ACTR3C: variants seen among roughly 807,000 people sequenced by gnomAD.
The protein encoded by ACTR3C is actin-related protein 3C.
In ACTR3C, 18 loss-of-function variants were observed where a neutral mutation model predicts 26.3. The ratio of observed to expected loss-of-function variants is 0.68; its 90% CI spans 0.47 to 1.01. ACTR3C has a LOEUF of 1.01. ACTR3C is among the 50% of genes least tolerant of loss of function. The probability of loss-of-function intolerance (pLI) is 0.00; values close to 1 mark genes in which losing one functional copy is unlikely to be tolerated. For synonymous variants in ACTR3C, 55 were observed against 94.5 expected (o/e 0.58, Z 2.42); for missense variants, 184 against 250.7 (o/e 0.73, Z 1.80).
At chr7:150,253,907 C>T (rs552589610) in intron 6 of ACTR3C, among the ~76,000 whole-genome samples, 22 of 143,364 alleles carry the variant, frequency 1.5e-4, no homozygotes, top group Non-Finnish European at 2.5e-4. Context: ...AGTTTTTTTT[C>T]GTGTTTTTTT....
At chr7:149,972,879 G>A in the ACTR3C span, among the ~76,000 whole-genome samples, 1 of 151,904 alleles carries the variant, frequency 6.6e-6, no homozygotes, top group African/African-American at 2.4e-5. Context: ...TCCCAGGTAA[G>A]CCCCGTGCGT....
At chr7:150,178,405 T>C in the ACTR3C span, among the ~76,000 whole-genome samples, 23 of 149,808 alleles carry the variant, frequency 1.5e-4, 2 homozygotes, top group African/African-American at 5.8e-4. Context: ...GCCTCAACCT[T>C]CCGACTAGCT....
the ACTR3C span, among the ~76,000 whole-genome samples, chr7:150,198,452 C>A: frequency 3.5e-5 from 5 of 141,108 alleles, no homozygotes; most frequent in Admixed American, 2.1e-4. Flanking sequence ...CGTCTCTGCC[C>A]GGCCGCCCAT....
At chr7:150,208,214 A>G in the ACTR3C span, among the ~76,000 whole-genome samples, 1 of 152,140 alleles carries the variant, frequency 6.6e-6, no homozygotes, top group Non-Finnish European at 1.5e-5. Context: ...ACTCTGAGCT[A>G]AACAGATGGA....
chr7:150,258,179 T>TCC (rs1833360577), intron 6 of ACTR3C, among the ~76,000 whole-genome samples: 1 of 149,994 alleles, frequency 6.7e-6, no homozygotes, highest in Admixed American at 6.6e-5. Context: ...AAGTCCAAGT[T>TCC]CCTGCTCAGT....
chr7:149,930,869 C>A, the ACTR3C span, among the ~76,000 whole-genome samples: 1 of 151,460 alleles, frequency 6.6e-6, no homozygotes, highest in African/African-American at 2.4e-5. Flanking sequence ...GCAACCTCTG[C>A]CTTTTTATTT....
chr7:150,122,565 G>A, the ACTR3C span, among the ~76,000 whole-genome samples: 33 of 152,254 alleles, frequency 2.2e-4, no homozygotes, highest in South Asian at 2.5e-3. Context: ...TTAGAATGGC[G>A]ATCATTAAAA....
At chr7:150,136,234 G>A in the ACTR3C span, among the ~76,000 whole-genome samples, 66 of 150,834 alleles carry the variant, frequency 4.4e-4, no homozygotes, top group African/African-American at 1.6e-3. Flanking sequence ...GATGGCCGGT[G>A]CTGCTAGGAG....
intron 4 of ACTR3C, among the ~76,000 whole-genome samples, chr7:150,288,452 A>G (rs1170424241): frequency 2.2e-5 from 3 of 133,998 alleles, no homozygotes; most frequent in Non-Finnish European, 4.6e-5. Context: ...ATCTCGCTAT[A>G]TCACCTGGGC....
At chr7:150,268,170 A>G (rs187400045) in intron 6 of ACTR3C, among the ~76,000 whole-genome samples, 41 of 150,450 alleles carry the variant, frequency 2.7e-4, no homozygotes, top group African/African-American at 9.5e-4. Flanking sequence ...TTCATTTCTC[A>G]ATGTTCTGTA....
the ACTR3C span, among the ~76,000 whole-genome samples, chr7:150,065,226 G>A: frequency 6.6e-6 from 1 of 152,106 alleles, no homozygotes; most frequent in Non-Finnish European, 1.5e-5. Flanking sequence ...TAAATCAGTA[G>A]CATAAGGGAG....
At chr7:150,310,069 T>C (rs1034351586) in intron 1 of ACTR3C, among the ~76,000 whole-genome samples, 15 of 152,168 alleles carry the variant, frequency 9.9e-5, no homozygotes, top group Non-Finnish European at 5.9e-5. Context: ...CATGCTTTTA[T>C]GCACTTTTTT....
the ACTR3C span, among the ~76,000 whole-genome samples, chr7:150,037,729 A>T: frequency 4.7e-3 from 416 of 88,070 alleles, 11 homozygotes; most frequent in South Asian, 0.015. Flanking sequence ...CCAGGGGGGA[A>T]GAGGGTCTGG....
the ACTR3C span, among the ~76,000 whole-genome samples, chr7:150,085,391 AG>A: frequency 6.6e-6 from 1 of 152,152 alleles, no homozygotes; most frequent in African/African-American, 2.4e-5. Flanking sequence ...AAATGGAAAA[AG>A]GAGTGGATAG....
At chr7:149,994,851 T>G in the ACTR3C span, among the ~76,000 whole-genome samples, 2 of 148,670 alleles carry the variant, frequency 1.3e-5, no homozygotes, top group African/African-American at 4.9e-5. Context: ...ATTCTTTTTT[T>G]TTTTTTTTTT....
At chr7:150,037,159 CCCCT>C in the ACTR3C span, among the ~76,000 whole-genome samples, 1 of 35,626 alleles carries the variant, frequency 2.8e-5, no homozygotes, top group African/African-American at 1.5e-4. Context: ...GGTGCCTCCC[CCCCT>C]GTGATGGGGG....
chr7:149,997,472 C>T, the ACTR3C span, among the ~76,000 whole-genome samples: 1 of 151,962 alleles, frequency 6.6e-6, no homozygotes, highest in African/African-American at 2.4e-5. Context: ...TTGCTCACTG[C>T]TGTATCCAAG....
the ACTR3C span, among the ~76,000 whole-genome samples, chr7:149,975,207 A>G: frequency 1.3e-5 from 2 of 152,220 alleles, no homozygotes; most frequent in Non-Finnish European, 2.9e-5. Flanking sequence ...GTCTTTTCTG[A>G]TCACAACAGA....
At chr7:150,151,935 A>G in the ACTR3C span, among the ~76,000 whole-genome samples, 1 of 138,206 alleles carries the variant, frequency 7.2e-6, no homozygotes. Context: ...CAGCGTTTAT[A>G]TGTTTGTCTG....
Sources: gnomAD v4.1 joint callset for allele counts (sites outside exome capture counted in the v4.1 genomes callset) on GRCh38, gnomAD v4.1.1 for gene constraint, MANE v1.5 for transcripts, NCBI Gene and HGNC (gene_info 2026-07-23, HGNC 2026-07-21) for gene names.